Variants in ANKS6 observed in about 807,000 individuals in gnomAD.
ANKS6 encodes ankyrin repeat and SAM domain-containing protein 6.
Under a neutral mutation model 77.9 loss-of-function variants are expected in ANKS6, and 47 were observed. The ratio of observed to expected loss-of-function variants is 0.60; its 90% CI spans 0.48 to 0.77. The LOEUF (loss-of-function observed/expected upper bound fraction) is 0.77, where lower values mean the gene tolerates loss of function less well. ANKS6 is among the 30% of genes least tolerant of loss of function. ANKS6 has a pLI of 0.00. For synonymous variants in ANKS6, 488 were observed against 501.7 expected, an observed-to-expected ratio of 0.97 and a Z score of 0.37; for missense variants, 1,150 against 1,159.1, an observed-to-expected ratio of 0.99 and a Z score of 0.11.
intron 6 of ANKS6, among the ~76,000 whole-genome samples, chr9:98,779,308 G>C (rs887444801): frequency 3.9e-5 from 6 of 152,170 alleles, no homozygotes; most frequent in Admixed American, 3.9e-4. Context: ...CTTGTTTCTG[G>C]TGTTTCCAGG....
intron 2 of ANKS6, chr9:98,789,856 C>G: frequency 4.3e-6 from 2 of 466,898 alleles, no homozygotes; most frequent in African/African-American, 1.9e-5. Flanking sequence ...TTGGGGAGAG[C>G]AGCCTTGTTA....
At chr9:98,792,813 G>A (rs1834975638) in intron 1 of ANKS6, among the ~76,000 whole-genome samples, 1 of 152,118 alleles carries the variant, frequency 6.6e-6, no homozygotes, top group African/African-American at 2.4e-5. Flanking sequence ...ACTCAAAATC[G>A]AAGCTCCAGT....
At chr9:98,784,548 G>A (rs1316507172) in intron 3 of ANKS6, 5 of 439,510 alleles carry the variant, frequency 1.1e-5, no homozygotes, top group Non-Finnish European at 1.6e-5. Context: ...TTGTCACAAA[G>A]AGACTGGAGT....
chr9:98,778,243 G>A lies in ANKS6; in HGVS notation c.1550C>T (p.Pro517Leu), dbSNP rs1328901597. 3 of 1,614,182 alleles carry A rather than the reference G, an allele frequency of 1.9e-6. No homozygotes were observed. The highest frequency in any genetic ancestry group is 2.5e-6 in the Non-Finnish European group (3 of 1,180,014). ...TSRSALPDAA[P>L]VTKDNGPGST... ...TTTCTCACCATTGTCTTTGGTCACA[G>A]GGGCCGCATCAGGGAGTGCAGAGCG... Residue 517 changes from proline to leucine, a missense_variant, in exon 7 of 15, where the codon CCT becomes CTT. Pro to Leu is a moderately conservative substitution (Grantham distance 98, BLOSUM62 -3). Transcript: ENST00000353234.
At chr9:98,747,275 TTTTC>T (rs1832188055) in intron 13 of ANKS6, among the ~76,000 whole-genome samples, 2 of 152,346 alleles carry the variant, frequency 1.3e-5, no homozygotes, top group Non-Finnish European at 2.9e-5. Flanking sequence ...TTAACATTTT[TTTTC>T]TTTAAAACAT....
intron 5 of ANKS6, among the ~76,000 whole-genome samples, chr9:98,781,022 T>G (rs1247185658): frequency 6.6e-6 from 1 of 151,682 alleles, no homozygotes; most frequent in Non-Finnish European, 1.5e-5. Flanking sequence ...TGCCTCAGCC[T>G]CCCATGTAGC....
At position 98,794,563 on chromosome 9, in the gene ANKS6, G is replaced by A. The variant is rs564990242; in HGVS notation, c.359+1570C>T. Among the ~76,000 whole-genome samples, 17 of 152,224 alleles carry A rather than the reference G, an allele frequency of 1.1e-4. No homozygotes were observed. In the East Asian group the frequency reaches 3.1e-3, roughly 28 times the overall value. On this transcript the variant is annotated intron_variant, in intron 1 of 14. Coordinates refer to ENST00000353234, the MANE Select transcript of ANKS6 (RefSeq NM_173551.5). ...AGAGATGCTACCTGAATATAGAGTC[G>A]GTGTCACACCAACTGAGGAACAGCA...
In ANKS6 at chr9:98,732,539, C is replaced by A; in HGVS notation, c.*3980G>T. 6.4e-7 allele frequency: 1 copy of A among 1,550,596 alleles called. No homozygotes were observed. Among genetic ancestry groups the A allele is most frequent in the East Asian group, 2.4e-5 (1 of 40,920 alleles). On this transcript the variant is annotated 3_prime_UTR_variant, in exon 15 of 15. Transcript: ENST00000353234. ...CCGGAGGCAGTTTCTTCTGGCCTCA[C>A]CCACCCAACCATGGCTACGTCAGGG...
Position 98,780,355 on chromosome 9 carries a change from A to G in ANKS6, c.1220-18T>C, listed in dbSNP as rs769881976. 2 of 1,566,704 alleles carry G rather than the reference A, an allele frequency of 1.3e-6. No individual in the cohort carries two copies. The highest frequency in any genetic ancestry group is 1.7e-6 in the Non-Finnish European group (2 of 1,153,256). On this transcript the variant is annotated intron_variant, in intron 5 of 14. Transcript: ENST00000353234. ...TTCCGTGTCTATGGACACAAAAGGCATCATTTTACCTGCAAATATGTCTGT... is the reference window on the plus strand; with the variant it reads ...TTCCGTGTCTATGGACACAAAAGGCGTCATTTTACCTGCAAATATGTCTGT...
chr9:98,749,658 A>G (rs337565), intron 13 of ANKS6, among the ~76,000 whole-genome samples: 6,018 of 152,314 alleles, frequency 0.04, 371 homozygotes, highest in East Asian at 0.26. Context: ...TAAACATATC[A>G]GCAAAAGCAG....
intron 13 of ANKS6, among the ~76,000 whole-genome samples, chr9:98,748,859 T>C (rs1349397287): frequency 6.6e-6 from 1 of 152,210 alleles, no homozygotes; most frequent in African/African-American, 2.4e-5. Context: ...AGCTTCAAAA[T>C]GGCAAGATGA....
rs756791052 is a variant in ANKS6 at position 98,732,596 on chromosome 9, T to TG, written c.*3922dup. The TG allele has an allele frequency of 1.3e-6, 2 of 1,550,158 alleles. No homozygotes were observed. Among genetic ancestry groups the TG allele is most frequent in the African/African-American group, 2.7e-5 (2 of 73,024 alleles). The stretch of plus-strand genomic sequence containing the variant: ...GGAGAGAAGAAAGAGAGATGAGAGA[T>TG]GAAAGGATTTAAAATGGGCAACCAT... On this transcript the variant is annotated 3_prime_UTR_variant, in exon 15 of 15. Coordinates refer to ENST00000353234, the MANE Select transcript of ANKS6 (RefSeq NM_173551.5).
intron 6 of ANKS6, among the ~76,000 whole-genome samples, chr9:98,779,957 C>T (rs1268894416): frequency 6.6e-6 from 1 of 152,184 alleles, no homozygotes; most frequent in Middle Eastern, 3.4e-3. Flanking sequence ...CCACCGTGCC[C>T]GGCCGCGTGG....
chr9:98,793,808 C>A (rs986441505), intron 1 of ANKS6, among the ~76,000 whole-genome samples: 7 of 149,974 alleles, frequency 4.7e-5, no homozygotes, highest in Middle Eastern at 3.2e-3. Context: ...GCTGGGATTA[C>A]AGGCGTGAGC....
intron 11 of ANKS6, among the ~76,000 whole-genome samples, chr9:98,765,707 G>A (rs1327764200): frequency 3.3e-5 from 5 of 152,134 alleles, no homozygotes; most frequent in Non-Finnish European, 1.5e-5. Flanking sequence ...CCAGAGATCT[G>A]GGAAGTATTG....
chr9:98,738,386 C>T (rs1210593235), intron 14 of ANKS6, among the ~76,000 whole-genome samples: 1 of 151,812 alleles, frequency 6.6e-6, no homozygotes, highest in Non-Finnish European at 1.5e-5. Flanking sequence ...ACCAAATCAA[C>T]AAGAAAAAAA....
At chr9:98,737,992 C>A (rs1264844473) in intron 14 of ANKS6, among the ~76,000 whole-genome samples, 1 of 152,124 alleles carries the variant, frequency 6.6e-6, no homozygotes, top group East Asian at 1.9e-4. Flanking sequence ...GGAAAGGACA[C>A]CCTTTTCAAC....
intron 14 of ANKS6, among the ~76,000 whole-genome samples, chr9:98,736,844 GC>G (rs1831528910): frequency 6.6e-6 from 1 of 152,146 alleles, no homozygotes; most frequent in African/African-American, 2.4e-5. Flanking sequence ...TGCTGGAGAG[GC>G]CCTGGGATGC....
intron 11 of ANKS6, among the ~76,000 whole-genome samples, chr9:98,763,948 T>A (rs1833143553): frequency 6.6e-6 from 1 of 152,132 alleles, no homozygotes; most frequent in Admixed American, 6.5e-5. Context: ...TGAATAGTCC[T>A]ATATCTATTA....
Sources: allele counts gnomAD v4.1 joint callset (sites outside exome capture counted in the v4.1 genomes callset), GRCh38; gene constraint gnomAD v4.1.1; transcripts MANE v1.5; gene names NCBI Gene and HGNC (gene_info 2026-07-23, HGNC 2026-07-21).